FAM110B: variants seen among roughly 807,000 people sequenced by gnomAD.
FAM110B encodes family with sequence similarity 110 member B.
In FAM110B, 6 loss-of-function variants were observed where a neutral mutation model predicts 20.4. That is an observed-to-expected ratio of 0.29 (90% CI 0.16 to 0.58). The LOEUF (loss-of-function observed/expected upper bound fraction) is 0.58. Among genes scored for constraint, FAM110B ranks in the 20% least tolerant of loss-of-function variants. The pLI is 0.90. For synonymous variants in FAM110B, 226 were observed against 214.1 expected (o/e 1.06, Z -0.49); for missense variants, 434 against 498.2 (o/e 0.87, Z 1.23).
At chr8:58,044,379 C>G (rs189358048) in intron 2 of FAM110B, among the ~76,000 whole-genome samples, 164 of 152,326 alleles carry the variant, frequency 1.1e-3, no homozygotes, top group Non-Finnish European at 1.4e-3. Context: ...AAATATATCT[C>G]TGGTAATAGT....
At chr8:58,066,994 T>A (rs572536092) in intron 2 of FAM110B, among the ~76,000 whole-genome samples, 3 of 152,174 alleles carry the variant, frequency 2.0e-5, no homozygotes, top group Non-Finnish European at 4.4e-5. Flanking sequence ...CCCTTCTCCT[T>A]AAGATAGTGT....
Position 58,147,061 on chromosome 8 carries a change from C to T in FAM110B, c.831C>T (p.Phe277=), listed in dbSNP as rs1803885062. ...GAGTGGACGCGGACGTGGAGAGGTT[C>T]TTCAACTACTGTGGACTGGACCCGG... ...YFRVDADVER[F]FNYCGLDPEE... Residue 277 remains phenylalanine (F), a synonymous_variant, in exon 4 of 4, where the codon TTC becomes TTT. Coordinates refer to ENST00000519262, the MANE Select transcript of FAM110B (RefSeq NM_001377989.1). 1 of 1,614,076 alleles carries T rather than the reference C, an allele frequency of 6.2e-7. No individual in the cohort carries two copies. The highest frequency in any genetic ancestry group is 1.1e-5 in the South Asian group (1 of 91,086).
At chr8:58,099,595 C>T (rs1465672152) in intron 3 of FAM110B, among the ~76,000 whole-genome samples, 1 of 152,128 alleles carries the variant, frequency 6.6e-6, no homozygotes, top group East Asian at 1.9e-4. Context: ...CAGTTCTGAT[C>T]TCTCCTGTCC....
chr8:58,095,610 G>C (rs1806603470), intron 3 of FAM110B, among the ~76,000 whole-genome samples: 1 of 152,172 alleles, frequency 6.6e-6, no homozygotes, highest in Non-Finnish European at 1.5e-5. Flanking sequence ...GAGACTGTTT[G>C]ATATGATTTC....
At chr8:58,124,703 C>T (rs2977373) in intron 3 of FAM110B, among the ~76,000 whole-genome samples, 151,861 of 152,314 alleles carry the variant, frequency 1, 75,705 homozygotes, top group Middle Eastern at 1. Context: ...GAACTTAAAC[C>T]TAGAAGCGTA....
chr8:58,057,039 A>C lies in FAM110B; in HGVS notation c.-413-18496A>C, dbSNP rs868809325. 1.8e-4 allele frequency among the ~76,000 whole-genome samples: 28 copies of C among 152,354 alleles called. No homozygotes were observed. The Middle Eastern group carries it at 0.01, about 56-fold the overall frequency. On this transcript the variant is annotated intron_variant, in intron 2 of 3. Transcript: ENST00000519262. ...TAATGAGGGCCTCATAAATGAGGGCAACATAGGAATGGCATTAAGTGCTGC... is the reference window on the plus strand; with the variant it reads ...TAATGAGGGCCTCATAAATGAGGGCCACATAGGAATGGCATTAAGTGCTGC...
At chr8:58,037,789 G>C (rs1198554088) in intron 2 of FAM110B, among the ~76,000 whole-genome samples, 2 of 152,020 alleles carry the variant, frequency 1.3e-5, no homozygotes, top group African/African-American at 4.8e-5. Flanking sequence ...TTTCTGACTT[G>C]TTTCCTAACT....
chr8:58,103,433 T>C (rs1312632464), intron 3 of FAM110B, among the ~76,000 whole-genome samples: 1 of 152,010 alleles, frequency 6.6e-6, no homozygotes, highest in Non-Finnish European at 1.5e-5. Context: ...TTTGGTTTTT[T>C]GTTCTTGCGA....
intron 1 of FAM110B, chr8:58,031,391 T>A (rs1457248884): frequency 6.6e-6 from 1 of 152,224 alleles, no homozygotes; most frequent in Non-Finnish European, 1.5e-5. Context: ...TTCCATTGAA[T>A]ACATGAAGTT....
intron 3 of FAM110B, among the ~76,000 whole-genome samples, chr8:58,115,846 A>C (rs879665875): frequency 6.6e-6 from 1 of 152,208 alleles, no homozygotes; most frequent in Non-Finnish European, 1.5e-5. Flanking sequence ...TATTCCTGAT[A>C]AAAAGTAGTG....
intron 2 of FAM110B, among the ~76,000 whole-genome samples, chr8:58,049,524 A>G (rs1340670865): frequency 6.6e-6 from 1 of 152,096 alleles, no homozygotes; most frequent in Non-Finnish European, 1.5e-5. Context: ...GGATGGATGG[A>G]TGCACAGCAG....
chr8:58,090,450 C>T (rs946926313), intron 3 of FAM110B, among the ~76,000 whole-genome samples: 13 of 152,182 alleles, frequency 8.5e-5, no homozygotes, highest in Non-Finnish European at 1.3e-4. Flanking sequence ...CATGAGCCAC[C>T]GCACCAGCCT....
intron 3 of FAM110B, among the ~76,000 whole-genome samples, chr8:58,080,966 T>C (rs1302114352): frequency 1.3e-5 from 2 of 152,136 alleles, no homozygotes; most frequent in Non-Finnish European, 2.9e-5. Flanking sequence ...AAGAGACAGC[T>C]TTCACTCACC....
At chr8:58,079,146 CA>C (rs1806121101) in intron 3 of FAM110B, among the ~76,000 whole-genome samples, 1 of 152,146 alleles carries the variant, frequency 6.6e-6, no homozygotes, top group Admixed American at 6.5e-5. Context: ...TCCAGCAGTA[CA>C]GTCAGGTGTG....
intron 2 of FAM110B, among the ~76,000 whole-genome samples, chr8:58,036,529 C>T (rs1295158368): frequency 6.6e-6 from 1 of 152,150 alleles, no homozygotes; most frequent in Non-Finnish European, 1.5e-5. Flanking sequence ...TAGGATTTGT[C>T]ATGAGATTAA....
chr8:58,103,263 C>G (rs1467581524), intron 3 of FAM110B, among the ~76,000 whole-genome samples: 1 of 151,866 alleles, frequency 6.6e-6, no homozygotes, highest in Non-Finnish European at 1.5e-5. Context: ...TGCTGGTGTG[C>G]TGCACCCACT....
intron 3 of FAM110B, among the ~76,000 whole-genome samples, chr8:58,111,566 T>C (rs1047261907): frequency 2.0e-5 from 3 of 152,072 alleles, no homozygotes; most frequent in Admixed American, 2.0e-4. Context: ...TTATAGTAGC[T>C]AAGATAGCAG....
At chr8:58,057,096 C>T (rs1563353636) in intron 2 of FAM110B, among the ~76,000 whole-genome samples, 3 of 152,162 alleles carry the variant, frequency 2.0e-5, no homozygotes, top group Non-Finnish European at 1.5e-5. Context: ...TTATTTACAC[C>T]ATGGCCGAGG....
intron 3 of FAM110B, among the ~76,000 whole-genome samples, chr8:58,078,987 T>A (rs1806114895): frequency 6.6e-6 from 1 of 152,248 alleles, no homozygotes; most frequent in Non-Finnish European, 1.5e-5. Flanking sequence ...GACACCTTTT[T>A]TTTCCAACTC....
Sources: allele counts gnomAD v4.1 joint callset (sites outside exome capture counted in the v4.1 genomes callset), GRCh38; gene constraint gnomAD v4.1.1; transcripts MANE v1.5; gene names NCBI Gene and HGNC (gene_info 2026-07-23, HGNC 2026-07-21).